CHRD: variants seen among roughly 807,000 people sequenced by gnomAD.
The protein encoded by CHRD is chordin.
Under a neutral mutation model 113.7 loss-of-function variants are expected in CHRD, and 69 were observed. The observed-to-expected ratio is 0.61, with a 90% CI of 0.50 to 0.74. The LOEUF is 0.74. CHRD is among the 30% of genes least tolerant of loss of function. The pLI is 0.00. For synonymous variants in CHRD, 561 were observed against 540.8 expected (o/e 1.04, Z -0.52); for missense variants, 1,194 against 1,295.8 (o/e 0.92, Z 1.21).
At position 184,383,425 on chromosome 3, in the gene CHRD, G is replaced by T. The variant is rs1715784552; in HGVS notation, c.1320+7G>T. ...TGGCTCCCTGATCTATCAGGTAAGA[G>T]CCAGGGGCTGCAGAAGGTGGGGGAG... On this transcript the variant is annotated splice_region_variant and intron_variant, in intron 11 of 22. Transcript: ENST00000204604. 1.9e-6 allele frequency: 3 copies of T among 1,613,660 alleles called. No homozygotes were observed. The highest frequency in any genetic ancestry group is 2.5e-6 in the Non-Finnish European group (3 of 1,179,752).
In CHRD at chr3:184,387,283, C is replaced by T; in HGVS notation, c.2348-91C>T. The T allele has an allele frequency of 6.9e-7, 1 of 1,458,808 alleles. No individual in the cohort carries two copies. The highest frequency in any genetic ancestry group is 1.3e-5 in the South Asian group (1 of 78,308). The allele number at this position is 1,458,808 out of a possible 1,614,324, so 90.4% of individuals were successfully genotyped here. On this transcript the variant is annotated intron_variant, in intron 18 of 22. Transcript: ENST00000204604. The surrounding 1 kb of genome is among the most constrained non-coding windows in gnomAD (Gnocchi z 6.1). ...CCCCCAGGTGGGCCCTTGGCTTAGGCTCGTGTGGGGGTGGCCTGAGGCTCA... is the reference window on the plus strand; with the variant it reads ...CCCCCAGGTGGGCCCTTGGCTTAGGTTCGTGTGGGGGTGGCCTGAGGCTCA...
rs1715144993 is a variant in CHRD at position 184,380,534 on chromosome 3, G to GGGGGCGC, written c.148+76_148+82dup. ...CGGGGCGAGTCAGCGCCAGCCCGGAGGGGGCGCGGGGCGCAGGTGGCTCGG... is the reference window on the plus strand; with the variant it reads ...CGGGGCGAGTCAGCGCCAGCCCGGAGGGGGCGCGGGGCGCGGGGCGCAGGTGGCTCGG... On this transcript the variant is annotated intron_variant, in intron 1 of 22. Coordinates refer to ENST00000204604, the Ensembl canonical transcript of CHRD. The surrounding 1 kb of genome is among the most constrained non-coding windows in gnomAD (Gnocchi z 6.3). The GGGGGCGC allele has an allele frequency of 9.3e-7, 1 of 1,074,550 alleles. No individual in the cohort carries two copies. The highest frequency in any genetic ancestry group is 4.5e-5 in the South Asian group (1 of 22,406). 66.6% of individuals were successfully genotyped at this position (1,074,550 alleles called of 1,614,324 possible). A position where few individuals can be genotyped will look rare whatever the true frequency, so the allele number is the denominator to read the frequency against.
Position 184,380,510 on chromosome 3 carries a change from G to C in CHRD, c.148+44G>C, listed in dbSNP as rs1259558787. On this transcript the variant is annotated intron_variant, in intron 1 of 22. Transcript: ENST00000204604. The surrounding 1 kb of genome is among the most constrained non-coding windows in gnomAD (Gnocchi z 6.3). ...GAGGCGCGGGCGGGGAGTCGGGCTC[G>C]GGGCGAGTCAGCGCCAGCCCGGAGG... 3 of 1,135,974 alleles carry C rather than the reference G, an allele frequency of 2.6e-6. No individual in the cohort carries two copies. The highest frequency in any genetic ancestry group is 3.9e-5 in the South Asian group (1 of 25,840). The allele number at this position is 1,135,974 out of a possible 1,614,324, so 70.4% of individuals were successfully genotyped here. A position where few individuals can be genotyped will look rare whatever the true frequency, so the allele number is the denominator to read the frequency against.
rs1248272976 is a variant in CHRD at position 184,380,324 on chromosome 3, G to A, written c.6G>A (p.Pro2=). The A allele has an allele frequency of 4.0e-6, 5 of 1,260,720 alleles. No individual in the cohort carries two copies. In the East Asian group the frequency reaches 1.5e-4, roughly 37 times the overall value. 78.1% of individuals were successfully genotyped at this position (1,260,720 alleles called of 1,614,324 possible). A position where few individuals can be genotyped will look rare whatever the true frequency, so the allele number is the denominator to read the frequency against. The change falls in exon 1 of 23, where the codon CCG becomes CCA. Residue 2 remains proline (P), a synonymous_variant. Coordinates refer to ENST00000204604, the Ensembl canonical transcript of CHRD. The surrounding 1 kb of genome is among the most constrained non-coding windows in gnomAD (Gnocchi z 6.3). ...CCAGCTGTCCCGTTCGCGTCATGCC[G>A]AGCCTCCCGGCCCCGCCGGCCCCGC...
chr3:184,380,382 C>A lies in CHRD; in HGVS notation c.64C>A (p.Arg22=). 1 of 1,341,558 alleles carries A rather than the reference C, an allele frequency of 7.5e-7. No homozygotes were observed. The highest frequency in any genetic ancestry group is 9.6e-7 in the Non-Finnish European group (1 of 1,036,492). 83.1% of individuals were successfully genotyped at this position (1,341,558 alleles called of 1,614,324 possible). ...CCTCGGGCTGCTGCTGCTCGGCTCCCGGCCGGCCCGCGGCGCCGGCCCAGA... is the reference window on the plus strand; with the variant it reads ...CCTCGGGCTGCTGCTGCTCGGCTCCAGGCCGGCCCGCGGCGCCGGCCCAGA... Residue 22 remains arginine, a synonymous_variant, in exon 1 of 23, where the codon CGG becomes AGG. Transcript: ENST00000204604. This position sits in a 1 kb window ranked among gnomAD's most constrained non-coding sequence, Gnocchi z 6.3.
intron 12 of CHRD, among the ~76,000 whole-genome samples, 165 bp downstream of exon 12, chr3:184,383,807 TGGCTCTGTCACCA>T (rs1025461467): frequency 5.4e-5 from 8 of 147,226 alleles, no homozygotes; most frequent in Non-Finnish European, 1.5e-5. Context: ...AGATGGAGTC[TGGCTCTGTCACCA>T]GGCTGGAGTG....
rs780797304 is a variant in CHRD at position 184,388,565 on chromosome 3, C to T, written c.2555-22C>T. The T allele has an allele frequency of 5.0e-6, 8 of 1,601,590 alleles. No homozygotes were observed. The highest frequency in any genetic ancestry group is 1.7e-4 in the Middle Eastern group (1 of 6,034). ...CCTTGTTGGTCCTCCTGGGCTGATC[C>T]TTTCTCTTTCCCTCTCAACAGTGGG... On this transcript the variant is annotated intron_variant, in intron 20 of 22. Coordinates refer to ENST00000204604, the Ensembl canonical transcript of CHRD. The surrounding 1 kb of genome is among the most constrained non-coding windows in gnomAD (Gnocchi z 6.1).
In CHRD at chr3:184,384,678, A is replaced by G; in HGVS notation, c.1582A>G (p.Ser528Gly). 1 of 1,564,590 alleles carries G rather than the reference A, an allele frequency of 6.4e-7. No homozygotes were observed. The highest frequency in any genetic ancestry group is 8.6e-7 in the Non-Finnish European group (1 of 1,157,098). The change falls in exon 13 of 23, where the codon AGC becomes GGC. Residue 528 changes from serine to glycine, a missense_variant. By Grantham distance (56) the Ser-to-Gly change is moderately conservative. Coordinates refer to ENST00000204604, the Ensembl canonical transcript of CHRD. The surrounding 1 kb of genome is among the most constrained non-coding windows in gnomAD (Gnocchi z 4.4). ...GGCTGCCCTGCCCTACTGTGGGCAT[A>G]GCGCCCGCCATGACAGTGAGTGTCC...
chr3:184,383,210 G>A (rs1197401109), intron 10 of CHRD, 47 bp downstream of exon 10: 3 of 1,590,360 alleles, frequency 1.9e-6, no homozygotes, highest in Non-Finnish European at 1.7e-6. Flanking sequence ...ACAACTGAGA[G>A]ACACAGACAA....
exon 10 of CHRD, chr3:184,383,054 C>T: frequency 6.2e-7 from 1 of 1,612,208 alleles, no homozygotes; most frequent in South Asian, 1.1e-5. Context: ...ACCTGACAGT[C>T]CAGGAGATGG....
intron 15 of CHRD, 39 bp from the exon 16 acceptor site, chr3:184,386,453 G>A (rs1468881861): frequency 1.3e-6 from 2 of 1,530,676 alleles, no homozygotes; most frequent in Non-Finnish European, 1.7e-6. Flanking sequence ...AGACGCGAGG[G>A]GGAGCCCCAG....
At chr3:184,389,382 G>C in exon 23 of CHRD, 1 of 1,613,760 alleles carries the variant, frequency 6.2e-7, no homozygotes, top group Non-Finnish European at 8.5e-7. Flanking sequence ...CCAGAGACCA[G>C]AACTGATCCA....
At chr3:184,382,573 C>CT in intron 7 of CHRD, 43 bp downstream of exon 7, 1 of 1,611,856 alleles carries the variant, frequency 6.2e-7, no homozygotes. Flanking sequence ...TGAGTCTTCT[C>CT]TATCACCCAG....
chr3:184,389,670 A>T, exon 23 of CHRD: 1 of 522,058 alleles, frequency 1.9e-6, no homozygotes, highest in South Asian at 2.5e-5. Flanking sequence ...TGGAAGCCCC[A>T]CCCCTTTCCT....
At position 184,388,957 on chromosome 3, in the gene CHRD, A is replaced by G; in HGVS notation, c.2774A>G (p.Glu925Gly). ...CCACTGTCCTGTGGCTCGGGGAAGG[A>G]GAGTCGATGCTGTTCCCGCTGCACG... Residue 925 changes from glutamate (E) to glycine (G), a missense_variant, in exon 22 of 23, where the codon GAG becomes GGG. By Grantham distance (98) the Glu-to-Gly change is moderately conservative. Coordinates refer to ENST00000204604, the Ensembl canonical transcript of CHRD. The surrounding 1 kb of genome is among the most constrained non-coding windows in gnomAD (Gnocchi z 6.1). 6.2e-7 allele frequency: 1 copy of G among 1,612,636 alleles called. No homozygotes were observed. Among genetic ancestry groups the G allele is most frequent in the Non-Finnish European group, 8.5e-7 (1 of 1,179,888 alleles).
At position 184,387,225 on chromosome 3, in the gene CHRD, G is replaced by C; in HGVS notation, c.2347+118G>C. 7 of 1,281,914 alleles carry C rather than the reference G, an allele frequency of 5.5e-6. No individual in the cohort carries two copies. Among genetic ancestry groups the C allele is most frequent in the South Asian group, 5.0e-5 (4 of 80,104 alleles). 79.4% of individuals were successfully genotyped at this position (1,281,914 alleles called of 1,614,324 possible). A position where few individuals can be genotyped will look rare whatever the true frequency, so the allele number is the denominator to read the frequency against. On this transcript the variant is annotated intron_variant, in intron 18 of 22. Coordinates refer to ENST00000204604, the Ensembl canonical transcript of CHRD. This position sits in a 1 kb window ranked among gnomAD's most constrained non-coding sequence, Gnocchi z 6.1. Reference sequence around the variant, plus strand: ...GTGGCCTGAGGGGCACAGATTCCAAGTGATGCCTGACAGGACTCATTAGTG... The same window carrying C: ...GTGGCCTGAGGGGCACAGATTCCAACTGATGCCTGACAGGACTCATTAGTG...
chr3:184,385,603 T>C (rs541641596), intron 14 of CHRD, among the ~76,000 whole-genome samples: 7 of 135,530 alleles, frequency 5.2e-5, no homozygotes, highest in African/African-American at 1.7e-4. Flanking sequence ...GAGGTGGAGG[T>C]TGCAGTGAGC....
Position 184,387,925 on chromosome 3 carries a change from C to T in CHRD, c.2452-6C>T. 1 of 1,609,208 alleles carries T rather than the reference C, an allele frequency of 6.2e-7. No individual in the cohort carries two copies. The highest frequency in any genetic ancestry group is 1.1e-5 in the South Asian group (1 of 89,664). ...CTGACACTCCTTGCTCAATGGATCC[C>T]TACAGGGGGGCACTGGAGAGGTGCA... On this transcript the variant is annotated splice_polypyrimidine_tract_variant and splice_region_variant and intron_variant, in intron 19 of 22. Transcript: ENST00000204604. This position sits in a 1 kb window ranked among gnomAD's most constrained non-coding sequence, Gnocchi z 6.1.
chr3:184,383,140 T>C (rs915477454), exon 10 of CHRD: 3 of 1,605,158 alleles, frequency 1.9e-6, no homozygotes, highest in Admixed American at 1.7e-5. Context: ...AGTGGACACA[T>C]TGCTGCCAGG....
Sources: allele counts gnomAD v4.1 joint callset (sites outside exome capture counted in the v4.1 genomes callset), GRCh38; gene constraint gnomAD v4.1.1; non-coding constraint Gnocchi (gnomAD v3.1); transcripts MANE v1.5; gene names NCBI Gene and HGNC (gene_info 2026-07-23, HGNC 2026-07-21).